Variants in CHRM5 observed in about 807,000 individuals in gnomAD.
The protein encoded by CHRM5 is muscarinic acetylcholine receptor M5.
A neutral mutation model predicts 39.0 loss-of-function variants in CHRM5; 18 were observed. The observed-to-expected ratio is 0.46, with a 90% CI of 0.32 to 0.68. The LOEUF is 0.68. Ranked by LOEUF, CHRM5 falls within the 30% of genes least tolerant of loss-of-function variation. CHRM5 has a pLI of 0.04. For synonymous variants in CHRM5, 241 were observed against 246.3 expected (o/e 0.98, Z 0.20); for missense variants, 515 against 651.1 (o/e 0.79, Z 2.28).
At chr15:34,039,219 C>CGGGGCGGCCGGCGTCCCGCAGGTG (rs1899348001) in intron 1 of CHRM5, 1 of 446,144 alleles carries the variant, frequency 2.2e-6, no homozygotes, top group Admixed American at 6.2e-5. Context: ...CGGGGCGGGG[C>CGGGGCGGCCGGCGTCCCGCAGGTG]GGGGCGGCCG....
At chr15:33,975,128 C>T (rs1895828688) in intron 1 of CHRM5, among the ~76,000 whole-genome samples, 1 of 152,104 alleles carries the variant, frequency 6.6e-6, no homozygotes. Flanking sequence ...AGCTTAGAGC[C>T]CGCAGGTCCC....
At chr15:34,054,319 C>T (rs1900048109) in intron 2 of CHRM5, among the ~76,000 whole-genome samples, 1 of 152,166 alleles carries the variant, frequency 6.6e-6, no homozygotes. Context: ...CTAGTAATCT[C>T]ATTACTGAGT....
chr15:34,030,414 C>T (rs951931710), intron 1 of CHRM5, among the ~76,000 whole-genome samples: 1 of 151,950 alleles, frequency 6.6e-6, no homozygotes, highest in Non-Finnish European at 1.5e-5. Flanking sequence ...GGCGCAATCT[C>T]GCTTCACTGC....
chr15:34,056,608 T>C (rs1900160016), intron 2 of CHRM5, among the ~76,000 whole-genome samples: 1 of 152,224 alleles, frequency 6.6e-6, no homozygotes, highest in Non-Finnish European at 1.5e-5. Context: ...GCATTTGAAG[T>C]AGTCCTAGTC....
At chr15:34,056,241 C>A (rs1338297419) in intron 2 of CHRM5, among the ~76,000 whole-genome samples, 2 of 152,198 alleles carry the variant, frequency 1.3e-5, no homozygotes, top group African/African-American at 4.8e-5. Context: ...ACCATTAATT[C>A]CAGTCTCTTA....
intron 1 of CHRM5, among the ~76,000 whole-genome samples, chr15:34,006,282 G>T (rs1897336811): frequency 6.6e-6 from 1 of 150,486 alleles, no homozygotes; most frequent in African/African-American, 2.4e-5. Context: ...TTGCAATCCA[G>T]CCCGGGCAAC....
chr15:34,030,060 C>G (rs1051706565), intron 1 of CHRM5, among the ~76,000 whole-genome samples: 12 of 152,070 alleles, frequency 7.9e-5, no homozygotes, highest in African/African-American at 2.7e-4. Context: ...TCGAGCCCAG[C>G]CTGGCCAACA....
chr15:34,017,542 C>G (rs2684956), intron 1 of CHRM5, among the ~76,000 whole-genome samples: 92,807 of 144,500 alleles, frequency 0.64, 34,146 homozygotes, highest in Non-Finnish European at 0.82. Flanking sequence ...GAGTGCAGTA[C>G]TGCGATCAGC....
intron 1 of CHRM5, among the ~76,000 whole-genome samples, chr15:34,003,802 A>G (rs982388461): frequency 3.3e-5 from 5 of 152,224 alleles, no homozygotes; most frequent in African/African-American, 1.2e-4. Flanking sequence ...AATGAAAACC[A>G]TTCCACATCT....
chr15:34,028,347 T>C (rs913728600), intron 1 of CHRM5, among the ~76,000 whole-genome samples: 5 of 152,168 alleles, frequency 3.3e-5, no homozygotes, highest in African/African-American at 1.2e-4. Context: ...GGTGGTTCAC[T>C]TGAGCCCAGG....
intron 1 of CHRM5, among the ~76,000 whole-genome samples, chr15:34,042,969 C>A (rs1404216663): frequency 6.6e-6 from 1 of 151,886 alleles, no homozygotes; most frequent in Non-Finnish European, 1.5e-5. Flanking sequence ...ATGGATTGGC[C>A]AGGCGCGGTG....
At chr15:34,044,821 C>T (rs775551100) in intron 1 of CHRM5, among the ~76,000 whole-genome samples, 6 of 152,120 alleles carry the variant, frequency 3.9e-5, no homozygotes, top group East Asian at 3.9e-4. Context: ...GAGGCCGAGG[C>T]GGGAGGATCA....
chr15:33,981,413 C>A (rs1377300219), intron 1 of CHRM5, among the ~76,000 whole-genome samples: 2 of 137,128 alleles, frequency 1.5e-5, no homozygotes, highest in Non-Finnish European at 3.2e-5. Flanking sequence ...ATTGTCATGA[C>A]CAGATCAAAA....
intron 1 of CHRM5, chr15:33,972,262 T>G (rs959788778): frequency 4.6e-5 from 7 of 151,958 alleles, no homozygotes; most frequent in African/African-American, 1.7e-4. Flanking sequence ...CCTAGAGAAC[T>G]GAGAAATAGA....
intron 1 of CHRM5, among the ~76,000 whole-genome samples, chr15:33,992,530 G>C (rs1304212508): frequency 6.6e-6 from 1 of 152,114 alleles, no homozygotes; most frequent in Non-Finnish European, 1.5e-5. Flanking sequence ...CTGTCAGCCA[G>C]AACAAATTTT....
chr15:34,057,446 T>C (rs560115137), intron 2 of CHRM5, among the ~76,000 whole-genome samples: 1 of 152,246 alleles, frequency 6.6e-6, no homozygotes, highest in African/African-American at 2.4e-5. Flanking sequence ...CCAGCCAGAA[T>C]AGTCATTTTG....
In CHRM5 at chr15:33,976,726, A is replaced by C. The variant is rs896876659; in HGVS notation, c.-408+7576A>C. Among the ~76,000 whole-genome samples, 14 of 152,152 alleles carry C rather than the reference A, an allele frequency of 9.2e-5. No homozygotes were observed. In the South Asian group the frequency reaches 2.5e-3, roughly 27 times the overall value. ...AGAAACAAAAAAAAAATTTAACATA[A>C]ATGTATTGTACCTCTCCTGTCTCAG... On this transcript the variant is annotated intron_variant, in intron 1 of 2. Transcript: ENST00000383263.
intron 1 of CHRM5, among the ~76,000 whole-genome samples, chr15:34,007,539 C>G (rs767572483): frequency 1.3e-5 from 2 of 152,184 alleles, no homozygotes; most frequent in Non-Finnish European, 2.9e-5. Context: ...TTTCTACCAA[C>G]AGTATCTTCA....
chr15:33,985,330 T>C (rs1041964079), intron 1 of CHRM5, among the ~76,000 whole-genome samples: 1 of 86,266 alleles, frequency 1.2e-5, no homozygotes, highest in African/African-American at 4.9e-5. Flanking sequence ...AAGAGTCCTG[T>C]ACATGCTGTG....
Sources: allele counts gnomAD v4.1 joint callset (sites outside exome capture counted in the v4.1 genomes callset), GRCh38; gene constraint gnomAD v4.1.1; transcripts MANE v1.5; gene names NCBI Gene and HGNC (gene_info 2026-07-23, HGNC 2026-07-21).